FGF14: variants seen among roughly 807,000 people sequenced by gnomAD.
The protein encoded by FGF14 is fibroblast growth factor 14, also known as fibroblast growth factor homologous factor 4.
FGF14 carries 5 observed loss-of-function variants against 25.5 expected under a neutral mutation model. That is an observed-to-expected ratio of 0.20 (90% CI 0.10 to 0.41). The LOEUF is 0.41. Among genes scored for constraint, FGF14 ranks in the 10% least tolerant of loss-of-function variants. The pLI, the probability that FGF14 is intolerant of heterozygous loss-of-function variation, is 1.00. For synonymous variants in FGF14, 138 were observed against 118.3 expected (o/e 1.17, Z -1.08); for missense variants, 222 against 320.1 (o/e 0.69, Z 2.34).
chr13:101,730,733 T>C (rs1476862733), intron 3 of FGF14, among the ~76,000 whole-genome samples: 1 of 152,178 alleles, frequency 6.6e-6, no homozygotes, highest in African/African-American at 2.4e-5. Context: ...CCAGGGATAA[T>C]GTGCACAGCA....
At chr13:102,025,959 G>A (rs968562736) in intron 1 of FGF14, among the ~76,000 whole-genome samples, 4 of 152,066 alleles carry the variant, frequency 2.6e-5, no homozygotes, top group Middle Eastern at 6.8e-3. Flanking sequence ...TGTAAATAGA[G>A]TTAATTTTAC....
chr13:102,161,648 A>AGACGAAGACGAAGACGAAGAC (rs1566765157), intron 1 of FGF14, among the ~76,000 whole-genome samples: 1 of 18,412 alleles, frequency 5.4e-5, no homozygotes, highest in Non-Finnish European at 9.1e-5. Context: ...AAGAAGAAGA[A>AGACGAAGACGAAGACGAAGAC]GAAGAAGAAG....
At chr13:102,401,714 T>G in exon 1 of FGF14, 2 of 1,567,584 alleles carry the variant, frequency 1.3e-6, no homozygotes, top group Non-Finnish European at 1.8e-6. Flanking sequence ...TTCTCCCAGT[T>G]TTTTCCCCTC....
intron 1 of FGF14, among the ~76,000 whole-genome samples, chr13:102,137,907 T>A (rs147727412): frequency 1.4e-5 from 2 of 143,790 alleles, no homozygotes; most frequent in African/African-American, 5.0e-5. Flanking sequence ...TGGGCCTCAG[T>A]CCAGGGTGAT....
intron 1 of FGF14, chr13:102,366,314 C>T (rs1357030283): frequency 2.0e-5 from 3 of 152,090 alleles, no homozygotes; most frequent in South Asian, 2.1e-4. Context: ...GACTGAAATA[C>T]TTAAAAGCAC....
chr13:102,209,431 T>A (rs1055082328), intron 1 of FGF14, among the ~76,000 whole-genome samples: 6 of 152,340 alleles, frequency 3.9e-5, no homozygotes, highest in African/African-American at 1.4e-4. Context: ...TTTTCCGCAC[T>A]ATACAATAAA....
chr13:102,203,012 A>G (rs1594391645), intron 1 of FGF14, among the ~76,000 whole-genome samples: 2 of 152,172 alleles, frequency 1.3e-5, no homozygotes, highest in Non-Finnish European at 2.9e-5. Flanking sequence ...AGGATTTACC[A>G]AAGTCCCTCC....
At chr13:102,029,872 G>A (rs2041123993) in intron 1 of FGF14, among the ~76,000 whole-genome samples, 1 of 152,026 alleles carries the variant, frequency 6.6e-6, no homozygotes, top group Non-Finnish European at 1.5e-5. Flanking sequence ...CTTGTGTCTT[G>A]TGCCCCTGTT....
At chr13:102,138,015 T>C (rs2140442710) in intron 1 of FGF14, among the ~76,000 whole-genome samples, 1 of 149,914 alleles carries the variant, frequency 6.7e-6, no homozygotes, top group South Asian at 2.1e-4. Flanking sequence ...CCGTCCCAGC[T>C]GAAATCCCAG....
chr13:101,949,286 C>T (rs1052271835), intron 1 of FGF14, among the ~76,000 whole-genome samples: 3 of 152,146 alleles, frequency 2.0e-5, no homozygotes, highest in Admixed American at 6.5e-5. Flanking sequence ...AAAATTCTGT[C>T]CTACTTTCTA....
chr13:102,007,983 T>C (rs2039894352), intron 1 of FGF14, among the ~76,000 whole-genome samples: 1 of 152,196 alleles, frequency 6.6e-6, no homozygotes, highest in Non-Finnish European at 1.5e-5. Context: ...AGCTTTAGAT[T>C]GCACTGAGAA....
At chr13:101,895,771 G>C (rs1055137124) in intron 1 of FGF14, among the ~76,000 whole-genome samples, 2 of 152,330 alleles carry the variant, frequency 1.3e-5, no homozygotes, top group East Asian at 3.9e-4. Context: ...ATTTGTGAGA[G>C]TTATATGGAG....
intron 3 of FGF14, among the ~76,000 whole-genome samples, chr13:101,780,672 A>C (rs568874047): frequency 6.6e-6 from 1 of 152,072 alleles, no homozygotes; most frequent in African/African-American, 2.4e-5. Flanking sequence ...TTTTTCTTTA[A>C]GAAACCCTTA....
At chr13:101,903,904 G>A (rs530774835) in intron 1 of FGF14, among the ~76,000 whole-genome samples, 83 of 152,246 alleles carry the variant, frequency 5.5e-4, no homozygotes, top group African/African-American at 1.9e-3. Flanking sequence ...TTTTGTTACA[G>A]GCATAGATTG....
chr13:101,782,807 A>G (rs1594230023), intron 3 of FGF14, among the ~76,000 whole-genome samples: 1 of 152,154 alleles, frequency 6.6e-6, no homozygotes, highest in African/African-American at 2.4e-5. Flanking sequence ...ATTTAGGTTG[A>G]TTCCATGTCT....
chr13:101,761,239 AAT>A (rs2038006707), intron 3 of FGF14, among the ~76,000 whole-genome samples: 1 of 152,226 alleles, frequency 6.6e-6, no homozygotes. Context: ...TAAATCACAG[AAT>A]ATGCAGGAGA....
chr13:102,120,069 G>T (rs998667929), intron 1 of FGF14, among the ~76,000 whole-genome samples: 2 of 152,028 alleles, frequency 1.3e-5, no homozygotes, highest in Non-Finnish European at 2.9e-5. Flanking sequence ...TTGATGCCTC[G>T]TTGAGCCCCT....
intron 3 of FGF14, among the ~76,000 whole-genome samples, chr13:101,747,991 A>G (rs2036998584): frequency 6.6e-6 from 1 of 152,062 alleles, no homozygotes; most frequent in Non-Finnish European, 1.5e-5. Flanking sequence ...ATGCAGAGGA[A>G]AAGAAAAGGC....
chr13:102,347,812 T>C (rs1222790625), intron 1 of FGF14, among the ~76,000 whole-genome samples: 1 of 152,152 alleles, frequency 6.6e-6, no homozygotes, highest in Non-Finnish European at 1.5e-5. Flanking sequence ...AATGGAATCA[T>C]ATGATTCTGT....
Sources: allele counts gnomAD v4.1 joint callset (sites outside exome capture counted in the v4.1 genomes callset), GRCh38; gene constraint gnomAD v4.1.1; transcripts MANE v1.5; gene names NCBI Gene and HGNC (gene_info 2026-07-23, HGNC 2026-07-21).